VEPH1: variants seen among roughly 807,000 people sequenced by gnomAD.
VEPH1 encodes the protein ventricular zone expressed PH domain containing 1.
VEPH1 carries 80 observed loss-of-function variants against 85.2 expected under a neutral mutation model. That is an observed-to-expected ratio of 0.94 (90% CI 0.78 to 1.13). The LOEUF is 1.13. VEPH1 is among the 50% of genes most tolerant of loss of function. VEPH1 has a pLI of 0.00. For synonymous variants in VEPH1, 297 were observed against 348.0 expected (o/e 0.85, Z 1.63); for missense variants, 955 against 980.5 (o/e 0.97, Z 0.35).
intron 6 of VEPH1, among the ~76,000 whole-genome samples, chr3:157,398,661 C>T (rs1295333401): frequency 1.3e-5 from 2 of 151,182 alleles, no homozygotes; most frequent in Non-Finnish European, 2.9e-5. Context: ...GAGTTATCTG[C>T]AGAAGATGAT....
chr3:157,476,405 C>A (rs927822424), intron 2 of VEPH1, among the ~76,000 whole-genome samples: 9 of 152,198 alleles, frequency 5.9e-5, no homozygotes, highest in Non-Finnish European at 1.3e-4. Flanking sequence ...ATTTGGTCTG[C>A]TGACATAGGA....
intron 9 of VEPH1, among the ~76,000 whole-genome samples, chr3:157,333,786 A>G (rs1291500100): frequency 6.6e-6 from 1 of 152,232 alleles, no homozygotes; most frequent in Non-Finnish European, 1.5e-5. Flanking sequence ...GTAACCAGAT[A>G]TAGGGCACAG....
At chr3:157,286,725 C>G in intron 11 of VEPH1, 51 bp from the exon 12 acceptor site, 1 of 1,447,992 alleles carries the variant, frequency 6.9e-7, no homozygotes, top group Non-Finnish European at 9.7e-7. Flanking sequence ...TGCCTGCTAC[C>G]TAACATTCTG....
chr3:157,347,635 G>A (rs908167430), intron 9 of VEPH1, among the ~76,000 whole-genome samples: 1 of 152,230 alleles, frequency 6.6e-6, no homozygotes, highest in African/African-American at 2.4e-5. Context: ...AAGCCCAGGA[G>A]GGCAGCGTGG....
chr3:157,398,040 C>T lies in VEPH1; in HGVS notation c.906+15841G>A, dbSNP rs559490605. Among the ~76,000 whole-genome samples the T allele has an allele frequency of 6.6e-5, 10 of 152,254 alleles. No individual in the cohort carries two copies. The South Asian group carries it at 2.1e-3, about 32-fold the overall frequency. On this transcript the variant is annotated intron_variant, in intron 6 of 13. Coordinates refer to ENST00000362010, the MANE Select transcript of VEPH1 (RefSeq NM_001167912.2). ...TCTGTCAACCAATCACAGGAAACTC[C>T]CCATAAGGCCATAGGTACAGGCTGG...
At chr3:157,378,306 GTA>G (rs56800722) in intron 7 of VEPH1, among the ~76,000 whole-genome samples, 326 of 93,980 alleles carry the variant, frequency 3.5e-3, no homozygotes, top group Non-Finnish European at 4.4e-3. Flanking sequence ...TTTTTGAATG[GTA>G]TATATATATA....
intron 2 of VEPH1, among the ~76,000 whole-genome samples, chr3:157,488,674 A>T (rs542602228): frequency 6.6e-6 from 1 of 151,994 alleles, no homozygotes; most frequent in East Asian, 1.9e-4. Context: ...TTCCAAAATT[A>T]TAATGGCCAG....
intron 2 of VEPH1, chr3:157,488,910 TTCTCTCTCTCTCTC>T (rs58292793): frequency 2.0e-4 from 26 of 127,688 alleles, no homozygotes; most frequent in Middle Eastern, 9.7e-4. Context: ...CTTAAGTTCG[TTCTCTCTCTCTCTC>T]TCTCTCTCTC....
At chr3:157,351,772 C>T (rs142662432) in intron 9 of VEPH1, among the ~76,000 whole-genome samples, 108 of 152,212 alleles carry the variant, frequency 7.1e-4, no homozygotes, top group Middle Eastern at 6.8e-3. Context: ...TTTCAAGAAG[C>T]GAGGATCTGT....
At chr3:157,319,279 G>T (rs1172106262) in intron 9 of VEPH1, among the ~76,000 whole-genome samples, 1 of 152,182 alleles carries the variant, frequency 6.6e-6, no homozygotes, top group Admixed American at 6.6e-5. Flanking sequence ...TATAAAATCA[G>T]AAATCATGTC....
In VEPH1 at chr3:157,381,312, T is replaced by C. The variant is rs750649678; in HGVS notation, c.971A>G (p.His324Arg). 9 of 1,614,046 alleles carry C rather than the reference T, an allele frequency of 5.6e-6. No homozygotes were observed. In the Admixed American group the frequency reaches 1.2e-4, roughly 21 times the overall value. The stretch of plus-strand genomic sequence containing the variant: ...TTTAATCTCCAGCAGGAGAATATGG[T>C]GAAACGAATGCTCCATGTTGGCCAG... The part of the protein sequence containing the change: ...SQLANMEHSF[H>R]HILLLEIKSI... The change falls in exon 7 of 14, where the codon CAC becomes CGC. Residue 324 changes from histidine (H) to arginine (R), a missense_variant. Physicochemically the swap from His to Arg is conservative, Grantham distance 29 (BLOSUM62 0). Transcript: ENST00000362010.
At chr3:157,426,206 C>T (rs545438031) in intron 5 of VEPH1, among the ~76,000 whole-genome samples, 17 of 152,292 alleles carry the variant, frequency 1.1e-4, no homozygotes, top group African/African-American at 2.9e-4. Flanking sequence ...GAATCCATTT[C>T]AAATTCCCTC....
intron 10 of VEPH1, among the ~76,000 whole-genome samples, chr3:157,315,584 T>G (rs959841952): frequency 3.9e-5 from 6 of 152,086 alleles, no homozygotes; most frequent in African/African-American, 1.2e-4. Context: ...AGTCAAAGTT[T>G]GATTTTTATT....
At chr3:157,289,739 C>G (rs1717240755) in intron 11 of VEPH1, among the ~76,000 whole-genome samples, 1 of 152,144 alleles carries the variant, frequency 6.6e-6, no homozygotes, top group African/African-American at 2.4e-5. Flanking sequence ...ATTTTTCTAA[C>G]AGGAGAACAA....
intron 9 of VEPH1, among the ~76,000 whole-genome samples, chr3:157,345,690 A>G (rs1247426963): frequency 6.6e-6 from 1 of 152,234 alleles, no homozygotes; most frequent in East Asian, 1.9e-4. Context: ...GTATATACCC[A>G]AAGGATTATA....
chr3:157,266,721 A>G lies in VEPH1; in HGVS notation c.2129-1059T>C, dbSNP rs142924889. Among the ~76,000 whole-genome samples the G allele has an allele frequency of 2.0e-5, 3 of 152,320 alleles. No individual in the cohort carries two copies. The East Asian group carries it at 5.8e-4, about 29-fold the overall frequency. ...GATCCATTGCAATGTCAGAGTTTAGACGCTGAACTGAATAATTTTATTCCT... is the reference window on the plus strand; with the variant it reads ...GATCCATTGCAATGTCAGAGTTTAGGCGCTGAACTGAATAATTTTATTCCT... On this transcript the variant is annotated intron_variant, in intron 12 of 13. Coordinates refer to ENST00000362010, the MANE Select transcript of VEPH1 (RefSeq NM_001167912.2).
intron 7 of VEPH1, among the ~76,000 whole-genome samples, chr3:157,369,663 G>A (rs763311372): frequency 9.9e-5 from 15 of 152,176 alleles, no homozygotes; most frequent in Non-Finnish European, 1.6e-4. Flanking sequence ...AAATTGGAAG[G>A]TCAGGAAATG....
At chr3:157,395,486 C>A (rs1172702959) in intron 6 of VEPH1, among the ~76,000 whole-genome samples, 1 of 152,138 alleles carries the variant, frequency 6.6e-6, no homozygotes, top group Admixed American at 6.5e-5. Context: ...GACACCATGG[C>A]AACTGTGTTC....
At chr3:157,266,580 G>T (rs1292168376) in intron 12 of VEPH1, among the ~76,000 whole-genome samples, 2 of 152,162 alleles carry the variant, frequency 1.3e-5, no homozygotes, top group Admixed American at 1.3e-4. Flanking sequence ...GAATCACCAA[G>T]CATCTAACAT....
Sources: allele counts gnomAD v4.1 joint callset (sites outside exome capture counted in the v4.1 genomes callset), GRCh38; gene constraint gnomAD v4.1.1; transcripts MANE v1.5; gene names NCBI Gene and HGNC (gene_info 2026-07-23, HGNC 2026-07-21).